ABCB11: variants seen among roughly 807,000 people sequenced by gnomAD.
ABCB11 encodes bile salt export pump.
ABCB11 carries 95 observed loss-of-function variants against 148.0 expected under a neutral mutation model. That is an observed-to-expected ratio of 0.64 (90% CI 0.54 to 0.76). ABCB11 has a LOEUF of 0.76. ABCB11 is among the 30% of genes least tolerant of loss of function. ABCB11 has a pLI of 0.00. For missense variants in ABCB11, 1,523 were observed against 1,617.8 expected (o/e 0.94, Z 1.01); for synonymous variants, 591 against 555.4 (o/e 1.06, Z -0.90).
At chr2:168,992,282 G>A (rs13390485) in intron 8 of ABCB11, among the ~76,000 whole-genome samples, 229 of 152,092 alleles carry the variant, frequency 1.5e-3, no homozygotes, top group African/African-American at 5.0e-3. Flanking sequence ...GAAACTAAGC[G>A]TTAGAGCTGT....
chr2:168,935,569 G>T, intron 22 of ABCB11, 144 bp from the exon 23 acceptor site: 2 of 1,154,846 alleles, frequency 1.7e-6, no homozygotes, highest in Non-Finnish European at 2.4e-6. Flanking sequence ...ACAAAGACGT[G>T]GCTGGAGATC....
chr2:168,974,669 C>T (rs925912730), intron 12 of ABCB11, among the ~76,000 whole-genome samples: 3 of 151,894 alleles, frequency 2.0e-5, no homozygotes, highest in African/African-American at 7.3e-5. Flanking sequence ...TAAAAACATA[C>T]TCGTACTATG....
intron 2 of ABCB11, among the ~76,000 whole-genome samples, chr2:169,017,649 T>C (rs1266685762): frequency 6.7e-6 from 1 of 149,092 alleles, no homozygotes; most frequent in Non-Finnish European, 1.5e-5. Flanking sequence ...CAGGTGCTAG[T>C]GCTATAGGCC....
chr2:168,980,882 G>C (rs1172994337), intron 10 of ABCB11, among the ~76,000 whole-genome samples: 1 of 152,162 alleles, frequency 6.6e-6, no homozygotes, highest in Non-Finnish European at 1.5e-5. Context: ...GTAAGGAAGA[G>C]ACAATGAGGC....
chr2:168,930,075 A>G lies in ABCB11; in HGVS notation c.3411+590T>C, dbSNP rs1691500158. On this transcript the variant is annotated intron_variant, in intron 25 of 27. Transcript: ENST00000650372. ...TATTTGATTTTGTGACCTTCTGCAT[A>G]TATTACTTTTAAAGAAAGAAAAAAA... 3.3e-5 allele frequency among the ~76,000 whole-genome samples: 5 copies of G among 152,292 alleles called. No homozygotes were observed. The South Asian group carries it at 6.2e-4, about 19-fold the overall frequency.
chr2:169,017,383 G>A (rs1008464944), intron 2 of ABCB11, among the ~76,000 whole-genome samples: 3 of 152,060 alleles, frequency 2.0e-5, no homozygotes, highest in African/African-American at 4.8e-5. Context: ...AAGCCACTAG[G>A]GAGCTTTGTC....
chr2:168,950,973 T>C (rs1176095352), intron 19 of ABCB11, among the ~76,000 whole-genome samples: 1 of 151,488 alleles, frequency 6.6e-6, no homozygotes, highest in Non-Finnish European at 1.5e-5. Flanking sequence ...GGTATGGGTC[T>C]AATTTCTTTC....
At chr2:168,975,887 C>T (rs1397071222) in intron 12 of ABCB11, among the ~76,000 whole-genome samples, 3 of 96,104 alleles carry the variant, frequency 3.1e-5, no homozygotes, top group African/African-American at 1.1e-4. Context: ...GTGCAGATAA[C>T]AGAAATATTA....
intron 8 of ABCB11, among the ~76,000 whole-genome samples, chr2:168,991,450 C>A (rs538104354): frequency 5.9e-5 from 9 of 152,108 alleles, no homozygotes; most frequent in African/African-American, 2.2e-4. Context: ...TTGATTTTTA[C>A]AAAAGGAAAT....
At chr2:168,985,809 A>G (rs1694299596) in intron 10 of ABCB11, among the ~76,000 whole-genome samples, 1 of 152,078 alleles carries the variant, frequency 6.6e-6, no homozygotes, top group Non-Finnish European at 1.5e-5. Flanking sequence ...GTACGAAGGC[A>G]GTGAAGGATA....
intron 26 of ABCB11, among the ~76,000 whole-genome samples, chr2:168,926,331 G>T (rs1432876187): frequency 1.3e-5 from 2 of 152,190 alleles, no homozygotes; most frequent in Non-Finnish European, 2.9e-5. Context: ...GCCAAGTAAT[G>T]AAATAATGAT....
chr2:168,973,390 A>G (rs190691457), intron 13 of ABCB11, among the ~76,000 whole-genome samples: 9 of 152,162 alleles, frequency 5.9e-5, no homozygotes, highest in African/African-American at 2.2e-4. Context: ...CAAGTGACAT[A>G]TATCAGATTT....
At chr2:168,985,343 C>A (rs1694278853) in intron 10 of ABCB11, among the ~76,000 whole-genome samples, 1 of 152,078 alleles carries the variant, frequency 6.6e-6, no homozygotes, top group Admixed American at 6.6e-5. Flanking sequence ...TATGGAAATT[C>A]CTTAAAGAAC....
chr2:168,930,656 G>T lies in ABCB11; in HGVS notation c.3411+9C>A, dbSNP rs201287126. ...AAGGCAAAATTCTCAAAAAGGTTGC[G>T]TGGCTTACCACCTTCCCTTGATCAG... On this transcript the variant is annotated intron_variant, in intron 25 of 27. Transcript: ENST00000650372. 1.3e-6 allele frequency: 2 copies of T among 1,484,872 alleles called. No homozygotes were observed. The highest frequency in any genetic ancestry group is 1.8e-6 in the Non-Finnish European group (2 of 1,110,062). 92.0% of individuals were successfully genotyped at this position (1,484,872 alleles called of 1,614,324 possible).
At chr2:168,931,351 A>C (rs1306504122) in intron 24 of ABCB11, among the ~76,000 whole-genome samples, 6 of 152,220 alleles carry the variant, frequency 3.9e-5, no homozygotes, top group Non-Finnish European at 5.9e-5. Flanking sequence ...CTAGAAATGG[A>C]TAGACATTTA....
rs182859088 is a variant in ABCB11 at position 169,022,912 on chromosome 2, A to G, written c.-27-4760T>C. Reference sequence around the variant, plus strand: ...TCATAAATGCAAAAAGTATTCAGTAAAAATCATTATCCATTCCTGTTTTGA... The same window carrying G: ...TCATAAATGCAAAAAGTATTCAGTAGAAATCATTATCCATTCCTGTTTTGA... On this transcript the variant is annotated intron_variant, in intron 1 of 27. Transcript: ENST00000650372. Among the ~76,000 whole-genome samples the G allele has an allele frequency of 4.3e-4, 65 of 152,264 alleles. 1 individual carries two copies. In the South Asian group the frequency reaches 0.013, roughly 30 times the overall value.
intron 18 of ABCB11, among the ~76,000 whole-genome samples, chr2:168,961,329 A>G (rs1403397861): frequency 1.3e-5 from 2 of 151,748 alleles, no homozygotes; most frequent in African/African-American, 4.8e-5. Flanking sequence ...TCCATTCAGT[A>G]GAGGTTCCCT....
intron 13 of ABCB11, among the ~76,000 whole-genome samples, chr2:168,973,354 C>A (rs560554542): frequency 6.6e-6 from 1 of 152,104 alleles, no homozygotes; most frequent in East Asian, 1.9e-4. Flanking sequence ...AATCATTTCT[C>A]TTAACTTGAT....
intron 19 of ABCB11, among the ~76,000 whole-genome samples, chr2:168,947,582 T>C (rs1692382877): frequency 6.6e-6 from 1 of 151,710 alleles, no homozygotes. Flanking sequence ...TTTAGGTATG[T>C]CAGAAGGAAA....
Sources: gnomAD v4.1 joint callset for allele counts (sites outside exome capture counted in the v4.1 genomes callset) on GRCh38, gnomAD v4.1.1 for gene constraint, MANE v1.5 for transcripts, NCBI Gene and HGNC (gene_info 2026-07-23, HGNC 2026-07-21) for gene names.